Variants in USP9X observed in about 807,000 individuals in gnomAD.
The protein encoded by USP9X is ubiquitin specific peptidase 9 X-linked.
A neutral mutation model predicts 190.3 loss-of-function variants in USP9X; 7 were observed. That is an observed-to-expected ratio of 0.04 (90% CI 0.02 to 0.07). The LOEUF is 0.07. Ranked by LOEUF, USP9X falls within the 10% of genes least tolerant of loss-of-function variation. USP9X has a pLI of 1.00. For missense variants in USP9X, 1,010 were observed against 1,916.9 expected (o/e 0.53, Z 8.83); for synonymous variants, 645 against 659.5 (o/e 0.98, Z 0.34).
At chrX:41,126,104 C>T (rs1861413556) in intron 2 of USP9X, among the ~76,000 whole-genome samples, 2 of 111,722 alleles carry the variant, frequency 1.8e-5, no homozygotes, top group African/African-American at 6.5e-5. Flanking sequence ...ATTAGATATT[C>T]TATCGTAAGT....
intron 4 of USP9X, among the ~76,000 whole-genome samples, chrX:41,134,256 C>G (rs1378904186): frequency 8.9e-6 from 1 of 111,984 alleles, no homozygotes; most frequent in Non-Finnish European, 1.9e-5. Context: ...TGCTCTGTTG[C>G]CTTTCTAAAA....
intron 11 of USP9X, among the ~76,000 whole-genome samples, chrX:41,146,567 T>C (rs1009448539): frequency 2.7e-5 from 3 of 111,340 alleles, no homozygotes; most frequent in African/African-American, 9.8e-5. Context: ...TCTTGGTGTT[T>C]GAAATGTTAC....
intron 1 of USP9X, among the ~76,000 whole-genome samples, chrX:41,104,271 G>A (rs941296386): frequency 5.4e-5 from 6 of 111,640 alleles, no homozygotes; most frequent in African/African-American, 1.6e-4. Flanking sequence ...TTGCCATATT[G>A]CCCAGGCTGG....
intron 1 of USP9X, among the ~76,000 whole-genome samples, chrX:41,098,563 T>G (rs1483195774): frequency 9.1e-6 from 1 of 110,370 alleles, no homozygotes; most frequent in Non-Finnish European, 1.9e-5. Context: ...GTCTTTTTCT[T>G]TATTGTTTTT....
At chrX:41,219,443 ATTT>A (rs748573662) in intron 38 of USP9X, among the ~76,000 whole-genome samples, 1 of 98,979 alleles carries the variant, frequency 1.0e-5, no homozygotes. Flanking sequence ...CTGTGTTTTG[ATTT>A]TTTTTTTTTT....
chrX:41,191,055 C>T (rs1478257430), intron 26 of USP9X, among the ~76,000 whole-genome samples: 4 of 111,333 alleles, frequency 3.6e-5, no homozygotes, highest in South Asian at 3.7e-4. Context: ...AGGCCGGGCA[C>T]GGTGGCTCAT....
intron 43 of USP9X, 125 bp from the exon 44 acceptor site, chrX:41,230,376 C>T: frequency 2.1e-6 from 1 of 482,556 alleles, no homozygotes; most frequent in Non-Finnish European, 3.3e-6. Context: ...TCTTTATCTG[C>T]AGTAAAAGAA....
At position 41,232,532 on chromosome X, in the gene USP9X, A is replaced by G. The variant is rs1602061211; in HGVS notation, c.*8A>G. On this transcript the variant is annotated 3_prime_UTR_variant, in exon 45 of 45. Coordinates refer to ENST00000378308, the MANE Select transcript of USP9X (RefSeq NM_001039591.3). ...CAAACCAAGGATCAATGAAATGCAC[A>G]TAATTAACTGGTTCCATCAAGACTG... 1.7e-6 allele frequency: 2 copies of G among 1,209,141 alleles called. No individual in the cohort carries two copies. The highest frequency in any genetic ancestry group is 1.1e-6 in the Non-Finnish European group (1 of 894,057).
At chrX:41,152,154 G>T (rs1367686520) in intron 13 of USP9X, among the ~76,000 whole-genome samples, 3 of 111,431 alleles carry the variant, frequency 2.7e-5, no homozygotes, top group African/African-American at 9.8e-5. Flanking sequence ...TTTCCCTAAG[G>T]CTAGAAAAAA....
chrX:41,131,430 C>T, intron 3 of USP9X, 27 bp from the exon 4 acceptor site: 1 of 1,181,404 alleles, frequency 8.5e-7, no homozygotes. Context: ...AACCATTAAG[C>T]ATGTTTTTGT....
chrX:41,104,451 A>G (rs1416472802), intron 1 of USP9X, among the ~76,000 whole-genome samples: 1 of 112,328 alleles, frequency 8.9e-6, no homozygotes. Flanking sequence ...TTGTAATGCA[A>G]TGGAATAACA....
At chrX:41,223,785 G>T (rs1268246600) in intron 39 of USP9X, among the ~76,000 whole-genome samples, 2 of 111,907 alleles carry the variant, frequency 1.8e-5, no homozygotes, top group African/African-American at 6.5e-5. Context: ...AGTACTAAGA[G>T]TCTGGAGGAA....
intron 28 of USP9X, 33 bp from the exon 29 acceptor site, chrX:41,197,331 T>TGG: frequency 3.9e-5 from 19 of 486,692 alleles, no homozygotes; most frequent in Non-Finnish European, 5.0e-5. Flanking sequence ...TTTGATTTCT[T>TGG]CCCCCCCCCA....
intron 43 of USP9X, 22 bp from the exon 44 acceptor site, chrX:41,230,479 A>G (rs1264331735): frequency 5.0e-6 from 6 of 1,188,724 alleles, no homozygotes; most frequent in Non-Finnish European, 6.8e-6. Flanking sequence ...GTAATTTTTT[A>G]TCTTGAAATA....
rs780158004 is a variant in USP9X, at chrX:41,227,541, AATAC to A, written c.7062-1708_7062-1705del. Among the ~76,000 whole-genome samples, 512 of 112,137 alleles carry A rather than the reference AATAC, an allele frequency of 4.6e-3. 3 individuals are homozygous for A. Among genetic ancestry groups the A allele is most frequent in the African/African-American group, 0.015 (468 of 30,886 alleles). ...TGACTTTAAACATACTGTTAAGTAAAATACATAGTGTATATTAGAATCTTTAAAT... is the reference window on the plus strand; with the variant it reads ...TGACTTTAAACATACTGTTAAGTAAAATAGTGTATATTAGAATCTTTAAAT... On this transcript the variant is annotated intron_variant, in intron 41 of 44. Coordinates refer to ENST00000378308, the MANE Select transcript of USP9X (RefSeq NM_001039591.3).
intron 14 of USP9X, 107 bp from the exon 15 acceptor site, chrX:41,162,683 G>T (rs1219426190): frequency 1.8e-6 from 1 of 556,892 alleles, no homozygotes; most frequent in Non-Finnish European, 2.6e-6. Flanking sequence ...GCCTTTTAAT[G>T]ATAAAGGATT....
intron 3 of USP9X, among the ~76,000 whole-genome samples, chrX:41,131,022 G>A (rs1273210208): frequency 1.8e-5 from 2 of 109,657 alleles, no homozygotes; most frequent in Non-Finnish European, 3.8e-5. Context: ...CACTGCTCCC[G>A]GGCAACCCTG....
At chrX:41,169,120 G>GT (rs111882589) in intron 18 of USP9X, among the ~76,000 whole-genome samples, 21,025 of 109,606 alleles carry the variant, frequency 0.19, 1,562 homozygotes, top group Admixed American at 0.27. Context: ...AATGTAAAAG[G>GT]TAAACTCTAC....
chrX:41,172,394 G>T (rs753177204), intron 21 of USP9X, among the ~76,000 whole-genome samples: 8 of 111,964 alleles, frequency 7.1e-5, no homozygotes, highest in African/African-American at 2.6e-4. Flanking sequence ...TATGGGTCAT[G>T]TGTCATCTGC....
Sources: gnomAD v4.1 joint callset for allele counts (sites outside exome capture counted in the v4.1 genomes callset) on GRCh38, gnomAD v4.1.1 for gene constraint, MANE v1.5 for transcripts, NCBI Gene and HGNC (gene_info 2026-07-23, HGNC 2026-07-21) for gene names.